The following ZMAT3 variants were observed in gnomAD, a reference collection of about 807,000 sequenced individuals.
ZMAT3 encodes the protein zinc finger matrin-type 3, also known as zinc finger matrin-type protein 3.
Under a neutral mutation model 32.3 loss-of-function variants are expected in ZMAT3, and 17 were observed. That is an observed-to-expected ratio of 0.53 (90% confidence interval 0.36 to 0.79). ZMAT3 has a LOEUF of 0.79. Ranked by LOEUF, ZMAT3 falls within the 30% of genes least tolerant of loss-of-function variation. ZMAT3 has a pLI of 0.00. For synonymous variants in ZMAT3, 120 were observed against 133.1 expected, an observed-to-expected ratio of 0.90 and a Z score of 0.68; for missense variants, 329 against 359.7, an observed-to-expected ratio of 0.91 and a Z score of 0.69.
chr3:179,044,978 AT>A (rs1429671171), intron 2 of ZMAT3, among the ~76,000 whole-genome samples: 1 of 152,094 alleles, frequency 6.6e-6, no homozygotes, highest in Non-Finnish European at 1.5e-5. Context: ...ATGTATACCT[AT>A]GTATCAAACC....
chr3:179,033,884 G>A lies in ZMAT3; in HGVS notation c.271-2885C>T, dbSNP rs1478050874. Among the ~76,000 whole-genome samples, 4 of 152,172 alleles carry A rather than the reference G, an allele frequency of 2.6e-5. No individual in the cohort carries two copies. In the East Asian group the frequency reaches 7.7e-4, roughly 29 times the overall value. On this transcript the variant is annotated intron_variant, in intron 2 of 5. Transcript: ENST00000311417. ...CTTGCCCCCAGCTCCCTTCTCAAGG[G>A]CTAAATAGCACAGCCAAAGCCTGAG...
chr3:179,042,105 T>C lies in ZMAT3; in HGVS notation c.271-11106A>G, dbSNP rs187045016. 2.7e-4 allele frequency among the ~76,000 whole-genome samples: 41 copies of C among 152,034 alleles called. 1 individual carries two copies. The highest frequency in any genetic ancestry group is 9.6e-4 in the African/African-American group (40 of 41,492). On this transcript the variant is annotated intron_variant, in intron 2 of 5. Transcript: ENST00000311417. Reference sequence around the variant, plus strand: ...GAGGCAATAATTAATAGCCTACCAATCAAAAAAAGTCCAGGGCCAGACAGA... The same window carrying C: ...GAGGCAATAATTAATAGCCTACCAACCAAAAAAAGTCCAGGGCCAGACAGA...
intron 2 of ZMAT3, among the ~76,000 whole-genome samples, chr3:179,041,071 G>C (rs543680592): frequency 9.8e-4 from 150 of 152,300 alleles, no homozygotes; most frequent in Non-Finnish European, 1.8e-3. Context: ...GGAGCACCCA[G>C]ATTCATAAAG....
intron 2 of ZMAT3, among the ~76,000 whole-genome samples, chr3:179,060,622 T>A (rs1051851002): frequency 6.6e-6 from 1 of 152,100 alleles, no homozygotes; most frequent in African/African-American, 2.4e-5. Context: ...CTAACCTGGG[T>A]GACAGAGTGA....
At chr3:179,059,861 G>A (rs576209630) in intron 2 of ZMAT3, among the ~76,000 whole-genome samples, 4 of 152,238 alleles carry the variant, frequency 2.6e-5, no homozygotes, top group South Asian at 2.1e-4. Context: ...TTCCTAGGTC[G>A]ACTAAGAATC....
chr3:179,037,352 C>A (rs1719653792), intron 2 of ZMAT3, among the ~76,000 whole-genome samples: 1 of 152,180 alleles, frequency 6.6e-6, no homozygotes, highest in East Asian at 1.9e-4. Flanking sequence ...TGGGACTCTG[C>A]CATTACTGAC....
chr3:179,057,329 C>T (rs556733847), intron 2 of ZMAT3, among the ~76,000 whole-genome samples: 49 of 152,034 alleles, frequency 3.2e-4, no homozygotes, highest in South Asian at 1.2e-3. Context: ...GAGTGGTTTA[C>T]AGTCCTGGAC....
intron 2 of ZMAT3, among the ~76,000 whole-genome samples, chr3:179,060,929 T>A (rs1721123455): frequency 1.3e-5 from 2 of 152,192 alleles, no homozygotes; most frequent in South Asian, 4.1e-4. Flanking sequence ...AGAGGGCAGC[T>A]GTTAACATTC....
At chr3:179,062,341 G>A (rs1242386523) in intron 2 of ZMAT3, among the ~76,000 whole-genome samples, 2 of 151,976 alleles carry the variant, frequency 1.3e-5, no homozygotes, top group Non-Finnish European at 2.9e-5. Context: ...CTAATAGAAG[G>A]GATTAAAAGT....
At chr3:179,037,190 A>G (rs1436243343) in intron 2 of ZMAT3, among the ~76,000 whole-genome samples, 2 of 152,138 alleles carry the variant, frequency 1.3e-5, no homozygotes, top group Non-Finnish European at 2.9e-5. Flanking sequence ...CCTGTAACAC[A>G]CACCCATTCA....
chr3:179,026,321 TAC>T (rs2108534405), intron 5 of ZMAT3, among the ~76,000 whole-genome samples: 1 of 151,822 alleles, frequency 6.6e-6, no homozygotes, highest in South Asian at 2.1e-4. Context: ...TTGGTAATTT[TAC>T]ATTTATTACA....
intron 2 of ZMAT3, among the ~76,000 whole-genome samples, chr3:179,053,262 C>A (rs2108572646): frequency 6.7e-6 from 1 of 149,466 alleles, no homozygotes; most frequent in African/African-American, 2.4e-5. Flanking sequence ...TATCTATATT[C>A]TATATAGAGA....
At chr3:179,047,698 C>A (rs1199106782) in intron 2 of ZMAT3, among the ~76,000 whole-genome samples, 6 of 147,404 alleles carry the variant, frequency 4.1e-5, no homozygotes, top group African/African-American at 2.5e-5. Context: ...ACTAAAAATA[C>A]AAAAAAAAAA....
At chr3:179,043,986 A>T (rs938612825) in intron 2 of ZMAT3, among the ~76,000 whole-genome samples, 1 of 152,276 alleles carries the variant, frequency 6.6e-6, no homozygotes, top group Admixed American at 6.5e-5. Flanking sequence ...AATGCTCATC[A>T]TCATTCGTCG....
At chr3:179,066,556 A>G (rs188140380) in intron 2 of ZMAT3, among the ~76,000 whole-genome samples, 1 of 152,244 alleles carries the variant, frequency 6.6e-6, no homozygotes, top group Non-Finnish European at 1.5e-5. Flanking sequence ...ACAGTCTTCT[A>G]CCATACTCTC....
chr3:179,023,417 G>A lies in ZMAT3; in HGVS notation c.*1600C>T, dbSNP rs558540366. ...GTTCGTGTATATTTCTACTGGAAACGAAGATAGTGAAACTTTATTTGCTTT... is the reference window on the plus strand; with the variant it reads ...GTTCGTGTATATTTCTACTGGAAACAAAGATAGTGAAACTTTATTTGCTTT... On this transcript the variant is annotated 3_prime_UTR_variant, in exon 6 of 6. Coordinates refer to ENST00000311417, the MANE Select transcript of ZMAT3 (RefSeq NM_022470.4). 4.0e-5 allele frequency: 6 copies of A among 151,720 alleles called. No homozygotes were observed. The highest frequency in any genetic ancestry group is 7.2e-5 in the African/African-American group (3 of 41,416). The allele number at this position is 151,720 out of a possible 1,614,324, so 9.4% of individuals were successfully genotyped here. A position where few individuals can be genotyped will look rare whatever the true frequency, so the allele number is the denominator to read the frequency against.
chr3:179,039,743 G>A (rs765899171), intron 2 of ZMAT3, among the ~76,000 whole-genome samples: 5 of 152,154 alleles, frequency 3.3e-5, no homozygotes, highest in Non-Finnish European at 5.9e-5. Context: ...CGAGGTGACA[G>A]AAGTAGACTT....
At chr3:179,041,830 C>A (rs1053963131) in intron 2 of ZMAT3, among the ~76,000 whole-genome samples, 3 of 151,574 alleles carry the variant, frequency 2.0e-5, no homozygotes, top group Non-Finnish European at 4.4e-5. Context: ...AATTGAGAGA[C>A]CACTAGCAAG....
chr3:179,034,222 A>G (rs1013402333), intron 2 of ZMAT3, among the ~76,000 whole-genome samples: 1 of 152,246 alleles, frequency 6.6e-6, no homozygotes, highest in African/African-American at 2.4e-5. Context: ...AGGAGGAGAC[A>G]GATACCTAAG....
Sources: allele counts gnomAD v4.1 joint callset (sites outside exome capture counted in the v4.1 genomes callset), GRCh38; gene constraint gnomAD v4.1.1; transcripts MANE v1.5; gene names NCBI Gene and HGNC (gene_info 2026-07-23, HGNC 2026-07-21).